RANBP2: variants seen among roughly 807,000 people sequenced by gnomAD.
RANBP2 encodes the protein E3 SUMO-protein ligase RanBP2.
A neutral mutation model predicts 303.6 loss-of-function variants in RANBP2; 57 were observed. The observed-to-expected ratio is 0.19, with a 90% CI of 0.15 to 0.23. RANBP2 has a LOEUF of 0.23. Among genes scored for constraint, RANBP2 ranks in the 10% least tolerant of loss-of-function variants. RANBP2 has a pLI of 1.00. For missense variants in RANBP2, 3,138 were observed against 3,780.8 expected (o/e 0.83, Z 4.46); for synonymous variants, 1,167 against 1,301.5 (o/e 0.90, Z 2.23).
At chr2:109,183,720 C>T in the RANBP2 span, among the ~76,000 whole-genome samples, 6 of 152,356 alleles carry the variant, frequency 3.9e-5, no homozygotes, top group Non-Finnish European at 7.3e-5. Context: ...CAGCACTTTC[C>T]TACATGGAGC....
the RANBP2 span, among the ~76,000 whole-genome samples, chr2:109,511,594 G>T: frequency 6.6e-6 from 1 of 152,186 alleles, no homozygotes; most frequent in African/African-American, 2.4e-5. Context: ...CCTGCAGAAG[G>T]TGGGAGCCTG....
chr2:109,345,534 A>G, the RANBP2 span, among the ~76,000 whole-genome samples: 1 of 152,116 alleles, frequency 6.6e-6, no homozygotes, highest in African/African-American at 2.4e-5. Flanking sequence ...AAATGGAGTC[A>G]TTCCCTGACA....
At chr2:109,425,286 G>A in the RANBP2 span, among the ~76,000 whole-genome samples, 1 of 152,218 alleles carries the variant, frequency 6.6e-6, no homozygotes, top group Non-Finnish European at 1.5e-5. Flanking sequence ...AAAGTACAAG[G>A]TAAAGCAGCA....
chr2:109,545,234 T>C, the RANBP2 span: 4 of 985,300 alleles, frequency 4.1e-6, no homozygotes, highest in Non-Finnish European at 4.8e-6. Context: ...GAACAAGGCA[T>C]GATGAATTTC....
chr2:109,078,541 G>A, the RANBP2 span, among the ~76,000 whole-genome samples: 2 of 148,830 alleles, frequency 1.3e-5, no homozygotes, highest in African/African-American at 2.4e-5. Flanking sequence ...TGGTGATGTT[G>A]GTCAAAGGAT....
the RANBP2 span, among the ~76,000 whole-genome samples, chr2:109,501,156 G>T: frequency 6.6e-6 from 1 of 152,146 alleles, no homozygotes; most frequent in South Asian, 2.1e-4. Flanking sequence ...CCCCGCCCCT[G>T]CCCCTGGGAG....
At chr2:108,807,661 A>C in the RANBP2 span, among the ~76,000 whole-genome samples, 4 of 152,160 alleles carry the variant, frequency 2.6e-5, no homozygotes, top group Non-Finnish European at 5.9e-5. Flanking sequence ...TCTGATGCCC[A>C]GGCAGGAGTG....
At chr2:108,790,167 T>G (rs1216143752), downstream of RANBP2, among the ~76,000 whole-genome samples, 3 of 152,190 alleles carry the variant, frequency 2.0e-5, no homozygotes, top group Non-Finnish European at 4.4e-5. Context: ...TATTACTATT[T>G]CATGTTGCAC....
the RANBP2 span, among the ~76,000 whole-genome samples, chr2:109,394,666 T>G: frequency 1.3e-5 from 2 of 152,234 alleles, no homozygotes; most frequent in African/African-American, 4.8e-5. Flanking sequence ...TGTGTGCACA[T>G]CTATGTAGGA....
chr2:108,843,207 G>C, the RANBP2 span, among the ~76,000 whole-genome samples: 3 of 152,100 alleles, frequency 2.0e-5, no homozygotes, highest in African/African-American at 7.2e-5. Context: ...GCCCAGGCTA[G>C]AGTGCAGTGG....
At chr2:108,728,974 A>G (rs1694954327) in intron 1 of RANBP2, among the ~76,000 whole-genome samples, 158 bp from the exon 2 acceptor site, 1 of 152,236 alleles carries the variant, frequency 6.6e-6, no homozygotes, top group Non-Finnish European at 1.5e-5. Context: ...GGAAATTATA[A>G]AACATGGAAT....
At chr2:109,065,760 G>A in the RANBP2 span, among the ~76,000 whole-genome samples, 2 of 152,194 alleles carry the variant, frequency 1.3e-5, no homozygotes, top group Admixed American at 6.5e-5. Context: ...AGAGGGAAGA[G>A]CCTATCAGTG....
At chr2:109,619,234 T>C in the RANBP2 span, among the ~76,000 whole-genome samples, 3 of 152,218 alleles carry the variant, frequency 2.0e-5, no homozygotes, top group Non-Finnish European at 4.4e-5. Context: ...AACGTTATCT[T>C]TTCTGCACAT....
the RANBP2 span, among the ~76,000 whole-genome samples, chr2:108,839,787 A>G: frequency 1.7e-4 from 26 of 151,902 alleles, no homozygotes; most frequent in Admixed American, 1.7e-3. Context: ...ATTTTTACAT[A>G]GAAAATCATG....
chr2:108,781,401 A>AT lies in RANBP2; in HGVS notation c.8736dup (p.Glu2913Ter). The AT allele has an allele frequency of 6.2e-7, 1 of 1,614,184 alleles. No homozygotes were observed. Among genetic ancestry groups the AT allele is most frequent in the South Asian group, 1.1e-5 (1 of 91,080 alleles). ...GAAGTAGTTCATAATGAAGATATCC[A>AT]TTTTGAACCAATAGTGTCACTACCA... On this transcript the variant is annotated frameshift_variant, in exon 26 of 29. Transcript: ENST00000283195. LOFTEE classifies it high-confidence loss of function.
the RANBP2 span, among the ~76,000 whole-genome samples, chr2:109,389,074 G>C: frequency 2.0e-5 from 3 of 152,338 alleles, no homozygotes; most frequent in African/African-American, 7.2e-5. Context: ...ACAAGCCAGG[G>C]TAAGTTCAGG....
chr2:109,283,482 C>A, the RANBP2 span, among the ~76,000 whole-genome samples: 5 of 152,180 alleles, frequency 3.3e-5, no homozygotes, highest in Non-Finnish European at 5.9e-5. Flanking sequence ...ACCACAGAGA[C>A]CCCTGGTGTT....
the RANBP2 span, among the ~76,000 whole-genome samples, chr2:109,636,669 G>A: frequency 2.0e-5 from 3 of 152,156 alleles, no homozygotes; most frequent in African/African-American, 7.2e-5. Context: ...TGGGTGCAGT[G>A]GCTCACACCT....
At chr2:109,321,217 C>G in the RANBP2 span, among the ~76,000 whole-genome samples, 3 of 152,230 alleles carry the variant, frequency 2.0e-5, no homozygotes, top group Non-Finnish European at 4.4e-5. Flanking sequence ...AGTAATAGAA[C>G]TCAAACCTTA....
Sources: gnomAD v4.1 joint callset for allele counts (sites outside exome capture counted in the v4.1 genomes callset) on GRCh38, gnomAD v4.1.1 for gene constraint, MANE v1.5 for transcripts, NCBI Gene and HGNC (gene_info 2026-07-23, HGNC 2026-07-21) for gene names.